The following PGM2L1 variants were observed in gnomAD, a reference collection of about 807,000 sequenced individuals.
PGM2L1 encodes the protein glucose 1,6-bisphosphate synthase.
In PGM2L1, 35 loss-of-function variants were observed where a neutral mutation model predicts 73.4. That is an observed-to-expected ratio of 0.48 (90% CI 0.36 to 0.63). The LOEUF (loss-of-function observed/expected upper bound fraction) is 0.63, where lower values mean the gene tolerates loss of function less well. PGM2L1 is among the 30% of genes least tolerant of loss of function. PGM2L1 has a pLI of 0.00. For synonymous variants in PGM2L1, 225 were observed against 253.8 expected, an observed-to-expected ratio of 0.89 and a Z score of 1.08; for missense variants, 570 against 742.0, an observed-to-expected ratio of 0.77 and a Z score of 2.69.
intron 1 of PGM2L1, among the ~76,000 whole-genome samples, chr11:74,385,549 T>C (rs541461168): frequency 2.0e-5 from 3 of 152,244 alleles, no homozygotes; most frequent in Admixed American, 2.0e-4. Context: ...CATACGGAAG[T>C]TGCCTATTTG....
chr11:74,351,600 A>C (rs766754957), intron 5 of PGM2L1, 24 bp from the exon 6 acceptor site: 3 of 1,543,164 alleles, frequency 1.9e-6, no homozygotes, highest in Non-Finnish European at 2.6e-6. Flanking sequence ...AAATATAACC[A>C]TAATTACTTA....
intron 1 of PGM2L1, among the ~76,000 whole-genome samples, chr11:74,389,495 G>A (rs2509529): frequency 0.73 from 110,998 of 151,242 alleles, 41,712 homozygotes; most frequent in Non-Finnish European, 0.83. Context: ...TGTCACCCAG[G>A]CTGGAGTGCA....
At chr11:74,387,140 G>C (rs941704976) in intron 1 of PGM2L1, among the ~76,000 whole-genome samples, 2 of 152,096 alleles carry the variant, frequency 1.3e-5, no homozygotes, top group African/African-American at 2.4e-5. Flanking sequence ...AGAGTTTCCA[G>C]GATCCCCTCC....
chr11:74,361,273 T>A (rs2134913805), intron 5 of PGM2L1, among the ~76,000 whole-genome samples: 1 of 152,330 alleles, frequency 6.6e-6, no homozygotes, highest in East Asian at 1.9e-4. Flanking sequence ...CCACTGCTGA[T>A]ACCCAGGCAA....
At chr11:74,396,709 C>T (rs1863182792) in intron 1 of PGM2L1, among the ~76,000 whole-genome samples, 1 of 152,246 alleles carries the variant, frequency 6.6e-6, no homozygotes, top group Admixed American at 6.5e-5. Context: ...CCACGGCGCC[C>T]GGCCGGAAAT....
intron 1 of PGM2L1, among the ~76,000 whole-genome samples, chr11:74,389,293 GA>G (rs1863056735): frequency 1.3e-5 from 2 of 152,008 alleles, no homozygotes; most frequent in African/African-American, 4.8e-5. Context: ...CTGAGCTAAT[GA>G]AATATAATAA....
intron 8 of PGM2L1, among the ~76,000 whole-genome samples, chr11:74,345,981 G>T (rs1029564164): frequency 6.6e-6 from 1 of 152,038 alleles, no homozygotes; most frequent in Non-Finnish European, 1.5e-5. Flanking sequence ...AGAGGACTAA[G>T]ATTAGGAAAT....
intron 1 of PGM2L1, among the ~76,000 whole-genome samples, chr11:74,390,152 C>A (rs1163820996): frequency 3.1e-5 from 3 of 96,734 alleles, no homozygotes; most frequent in African/African-American, 4.2e-5. Context: ...AGGAAGTAAA[C>A]AAACAGCTTT....
At chr11:74,391,408 A>G (rs1372724617) in intron 1 of PGM2L1, among the ~76,000 whole-genome samples, 1 of 151,768 alleles carries the variant, frequency 6.6e-6, no homozygotes, top group Non-Finnish European at 1.5e-5. Context: ...ATTTCTTTAC[A>G]TTGGATTTCT....
At chr11:74,378,976 TA>T (rs1429559556) in intron 1 of PGM2L1, among the ~76,000 whole-genome samples, 1 of 152,182 alleles carries the variant, frequency 6.6e-6, no homozygotes, top group African/African-American at 2.4e-5. Flanking sequence ...TTATGTATAA[TA>T]AATATAAATG....
At chr11:74,363,906 CA>C (rs1011807616) in intron 5 of PGM2L1, among the ~76,000 whole-genome samples, 8 of 150,578 alleles carry the variant, frequency 5.3e-5, no homozygotes, top group Admixed American at 1.3e-4. Context: ...AGAGACACAA[CA>C]AAAAAAAAGA....
intron 1 of PGM2L1, among the ~76,000 whole-genome samples, chr11:74,396,746 C>G (rs1461066943): frequency 6.6e-6 from 1 of 152,212 alleles, no homozygotes; most frequent in Non-Finnish European, 1.5e-5. Flanking sequence ...TCCAAGGCCC[C>G]ACCCCAGGCC....
rs1282323546 is a variant in PGM2L1 at position 74,332,855 on chromosome 11, T to C, written c.*3797A>G. ...CTACATCAAAATAACAACATATATA[T>C]TCAAAACGAAAACCTCAAATAACCT... On this transcript the variant is annotated 3_prime_UTR_variant, in exon 14 of 14. Transcript: ENST00000298198. 1 of 152,600 alleles carries C rather than the reference T, an allele frequency of 6.6e-6. No homozygotes were observed. The highest frequency in any genetic ancestry group is 6.5e-5 in the Admixed American group (1 of 15,280). 9.5% of individuals were successfully genotyped at this position (152,600 alleles called of 1,614,324 possible). A position where few individuals can be genotyped will look rare whatever the true frequency, so the allele number is the denominator to read the frequency against.
chr11:74,378,284 A>T (rs1445996576), intron 1 of PGM2L1, among the ~76,000 whole-genome samples: 1 of 152,176 alleles, frequency 6.6e-6, no homozygotes, highest in Non-Finnish European at 1.5e-5. Flanking sequence ...CCTGGGCAAC[A>T]GAGTAAGACT....
intron 12 of PGM2L1, among the ~76,000 whole-genome samples, chr11:74,339,217 C>A (rs3862799): frequency 0.72 from 109,133 of 152,092 alleles, 39,323 homozygotes; most frequent in East Asian, 0.81. Context: ...GCATTTTTGC[C>A]GTTTATCAAT....
At chr11:74,376,008 A>T (rs988550430) in intron 1 of PGM2L1, among the ~76,000 whole-genome samples, 3 of 152,212 alleles carry the variant, frequency 2.0e-5, no homozygotes, top group Non-Finnish European at 4.4e-5. Context: ...TCACGTTTAG[A>T]GGGTACATAG....
At chr11:74,362,215 C>T (rs1383891875) in intron 5 of PGM2L1, among the ~76,000 whole-genome samples, 1 of 152,182 alleles carries the variant, frequency 6.6e-6, no homozygotes, top group Non-Finnish European at 1.5e-5. Context: ...AGAAACTCTA[C>T]AAGCCAGAAG....
chr11:74,363,242 G>A (rs939324680), intron 5 of PGM2L1, among the ~76,000 whole-genome samples: 1 of 152,174 alleles, frequency 6.6e-6, no homozygotes, highest in Non-Finnish European at 1.5e-5. Flanking sequence ...TTAAAGCAGT[G>A]TGTAGAGGGA....
intron 5 of PGM2L1, among the ~76,000 whole-genome samples, chr11:74,362,671 T>C (rs1044951044): frequency 2.6e-5 from 4 of 152,042 alleles, no homozygotes; most frequent in Non-Finnish European, 5.9e-5. Flanking sequence ...GATACACACA[T>C]AGGCTCAAAA....
Sources: gnomAD v4.1 joint callset for allele counts (sites outside exome capture counted in the v4.1 genomes callset) on GRCh38, gnomAD v4.1.1 for gene constraint, MANE v1.5 for transcripts, NCBI Gene and HGNC (gene_info 2026-07-23, HGNC 2026-07-21) for gene names.